The following DZIP1L variants were observed in gnomAD, a reference collection of about 807,000 sequenced individuals.
The protein encoded by DZIP1L is cilium assembly protein DZIP1L.
A neutral mutation model predicts 88.7 loss-of-function variants in DZIP1L; 90 were observed. The observed-to-expected ratio is 1.02, with a 90% CI of 0.86 to 1.21. The LOEUF is 1.21. DZIP1L is among the 50% of genes most tolerant of loss of function. The pLI is 0.00. For missense variants in DZIP1L, 932 were observed against 955.8 expected (o/e 0.98, Z 0.33); for synonymous variants, 363 against 372.1 (o/e 0.98, Z 0.28).
In DZIP1L at chr3:138,103,985, C is replaced by T; in HGVS notation, c.-14G>A. On this transcript the variant is annotated 5_prime_UTR_variant, in exon 2 of 16. Coordinates refer to ENST00000327532, the MANE Select transcript of DZIP1L (RefSeq NM_173543.3). ...TGGGGACTGCATGGGCAGAGGAAGC[C>T]CTGAGCTGACCACCAGAGGAGGGGG... The T allele has an allele frequency of 1.3e-6, 2 of 1,598,916 alleles. No homozygotes were observed. Among genetic ancestry groups the T allele is most frequent in the Non-Finnish European group, 1.7e-6 (2 of 1,175,368 alleles).
intron 2 of DZIP1L, 95 bp from the exon 3 acceptor site, chr3:138,097,942 C>CAAGGGG: frequency 9.9e-7 from 1 of 1,013,908 alleles, no homozygotes; most frequent in Non-Finnish European, 1.5e-6. Flanking sequence ...CCTTGGGACC[C>CAAGGGG]CTGGGCTGCT....
intron 7 of DZIP1L, among the ~76,000 whole-genome samples, chr3:138,085,605 C>G (rs1387995056): frequency 3.9e-5 from 6 of 152,172 alleles, no homozygotes; most frequent in African/African-American, 4.8e-5. Context: ...AGTCAGGAAA[C>G]AACAGGTGCT....
At chr3:138,099,476 T>G (rs1057011287) in intron 2 of DZIP1L, among the ~76,000 whole-genome samples, 1 of 152,164 alleles carries the variant, frequency 6.6e-6, no homozygotes, top group African/African-American at 2.4e-5. Flanking sequence ...GTAATAATAT[T>G]TGGTCTTAGA....
At position 138,087,019 on chromosome 3, in the gene DZIP1L, G is replaced by A. The variant is rs765412908; in HGVS notation, c.1004C>T (p.Thr335Met). 79 of 1,613,564 alleles carry A rather than the reference G, an allele frequency of 4.9e-5. No homozygotes were observed. Among genetic ancestry groups the A allele is most frequent in the Admixed American group, 2.7e-4 (16 of 59,908 alleles). Residue 335 changes from threonine to methionine, a missense_variant, in exon 7 of 16, where the codon ACG (threonine) becomes ATG (methionine). Coordinates refer to ENST00000327532, the MANE Select transcript of DZIP1L (RefSeq NM_173543.3). ...TTCCTTCACTTTTCTTTTCCACTCC[G>A]TTTTCTGAAAAAGATTAAAAGCTTA... ...ALREKTEIQK[T>M]EWKRKVKELH...
rs419075 is a variant in DZIP1L at position 138,068,440 on chromosome 3, T to A, written c.1616-73A>T. The stretch of plus-strand genomic sequence containing the variant: ...CTCAAGCCTAAGAGGAGGGAGAAAG[T>A]GGCTCCAACACCCTGGAAATGAACA... On this transcript the variant is annotated intron_variant, in intron 12 of 15. Transcript: ENST00000327532. 8 of 1,228,094 alleles carry A rather than the reference T, an allele frequency of 6.5e-6. No homozygotes were observed. The Admixed American group carries it at 1.7e-4, about 26-fold the overall frequency. 76.1% of individuals were successfully genotyped at this position (1,228,094 alleles called of 1,614,324 possible). A position where few individuals can be genotyped will look rare whatever the true frequency, so the allele number is the denominator to read the frequency against.
At chr3:138,095,590 C>T (rs979486245) in intron 3 of DZIP1L, among the ~76,000 whole-genome samples, 1 of 152,074 alleles carries the variant, frequency 6.6e-6, no homozygotes, top group Non-Finnish European at 1.5e-5. Flanking sequence ...ACCAACCTGA[C>T]CAACATGGTG....
intron 2 of DZIP1L, among the ~76,000 whole-genome samples, chr3:138,099,370 CA>C (rs1433580252): frequency 1.3e-5 from 2 of 152,076 alleles, no homozygotes; most frequent in Admixed American, 6.5e-5. Context: ...TGGCCCAAAA[CA>C]ATTCTTCTTC....
chr3:138,099,617 G>A (rs1944633465), intron 2 of DZIP1L, among the ~76,000 whole-genome samples: 1 of 152,132 alleles, frequency 6.6e-6, no homozygotes. Flanking sequence ...CCCAGTGGGA[G>A]GTATCTGGGT....
At position 138,064,645 on chromosome 3, in the gene DZIP1L, G is replaced by A. The variant is rs760553842; in HGVS notation, c.2125C>T (p.Pro709Ser). 6 of 1,614,038 alleles carry A rather than the reference G, an allele frequency of 3.7e-6. No homozygotes were observed. The African/African-American group carries it at 8.0e-5, about 22-fold the overall frequency. ...PNAGPQRAAT[P>S]GRKPQLSEDE... ...CATCCTACCTGAGGCTTCCTTCCTG[G>A]TGTGGCAGCCCTCTGTGGCCCAGCA... The change falls in exon 15 of 16, where the codon CCA becomes TCA. Residue 709 changes from proline to serine, a missense_variant. Pro to Ser is a moderately conservative substitution (Grantham distance 74). Transcript: ENST00000327532.
chr3:138,094,786 T>C, intron 4 of DZIP1L, 76 bp downstream of exon 4: 1 of 1,583,060 alleles, frequency 6.3e-7, no homozygotes. Flanking sequence ...TTTTGCCCTG[T>C]GGGATTCATG....
chr3:138,081,592 C>T, intron 9 of DZIP1L, 142 bp downstream of exon 9: 1 of 785,000 alleles, frequency 1.3e-6, no homozygotes, highest in South Asian at 2.0e-5. Context: ...GCCTGTGTGG[C>T]CCAGAAGCCT....
intron 1 of DZIP1L, among the ~76,000 whole-genome samples, chr3:138,107,263 A>G (rs2622745): frequency 0.86 from 131,317 of 152,172 alleles, 56,935 homozygotes; most frequent in Middle Eastern, 0.92. Context: ...CTCTGCCCTC[A>G]TGAATGGATG....
intron 2 of DZIP1L, among the ~76,000 whole-genome samples, chr3:138,100,064 G>A (rs1250638524): frequency 6.7e-6 from 1 of 149,968 alleles, no homozygotes; most frequent in South Asian, 2.1e-4. Context: ...CTCTCATTAC[G>A]ATTAAGATGC....
intron 14 of DZIP1L, 53 bp from the exon 15 acceptor site, chr3:138,064,820 T>C (rs1334234877): frequency 2.6e-6 from 4 of 1,530,244 alleles, no homozygotes; most frequent in Admixed American, 2.2e-5. Context: ...AAAATGAACA[T>C]CTCAGTTTTG....
At chr3:138,077,159 T>A (rs1199214211) in intron 11 of DZIP1L, among the ~76,000 whole-genome samples, 1 of 152,102 alleles carries the variant, frequency 6.6e-6, no homozygotes, top group Non-Finnish European at 1.5e-5. Flanking sequence ...GGGGGACCTA[T>A]CCACAGGCCA....
intron 14 of DZIP1L, 145 bp from the exon 15 acceptor site, chr3:138,064,912 G>A (rs1358058321): frequency 1.6e-6 from 2 of 1,244,946 alleles, no homozygotes; most frequent in African/African-American, 1.5e-5. Flanking sequence ...CCACAAAAAA[G>A]GAGACAGAGA....
chr3:138,092,316 C>G, intron 5 of DZIP1L, 67 bp downstream of exon 5: 1 of 1,450,760 alleles, frequency 6.9e-7, no homozygotes, highest in South Asian at 1.6e-5. Flanking sequence ...CCAGTACAAA[C>G]TAAGAAATTT....
At position 138,103,980 on chromosome 3, in the gene DZIP1L, G is replaced by T; in HGVS notation, c.-9C>A. The stretch of plus-strand genomic sequence containing the variant: ...GCAGCTGGGGACTGCATGGGCAGAG[G>T]AAGCCCTGAGCTGACCACCAGAGGA... On this transcript the variant is annotated 5_prime_UTR_variant, in exon 2 of 16. Coordinates refer to ENST00000327532, the MANE Select transcript of DZIP1L (RefSeq NM_173543.3). 1 of 1,605,364 alleles carries T rather than the reference G, an allele frequency of 6.2e-7. No homozygotes were observed. The highest frequency in any genetic ancestry group is 1.1e-5 in the South Asian group (1 of 90,256).
chr3:138,072,944 A>G (rs923402276), intron 11 of DZIP1L, among the ~76,000 whole-genome samples: 3 of 152,170 alleles, frequency 2.0e-5, no homozygotes, highest in East Asian at 3.8e-4. Flanking sequence ...AGAGGCAGCC[A>G]TAATCCCCCT....
Sources: allele counts gnomAD v4.1 joint callset (sites outside exome capture counted in the v4.1 genomes callset), GRCh38; gene constraint gnomAD v4.1.1; transcripts MANE v1.5; gene names NCBI Gene and HGNC (gene_info 2026-07-23, HGNC 2026-07-21).